GSE1: variants seen among roughly 807,000 people sequenced by gnomAD.
GSE1 encodes genetic suppressor element 1.
GSE1 carries 32 observed loss-of-function variants against 112.6 expected under a neutral mutation model. The ratio of observed to expected loss-of-function variants is 0.28; its 90% CI spans 0.21 to 0.38. The LOEUF is 0.38. GSE1 is among the 10% of genes least tolerant of loss of function. The pLI is 1.00. For missense variants in GSE1, 2,348 were observed against 1,699.2 expected (o/e 1.38, Z -6.71); for synonymous variants, 1,115 against 735.6 (o/e 1.52, Z -8.35).
At chr16:85,521,581 A>C (rs1006313434) in intron 2 of GSE1, among the ~76,000 whole-genome samples, 1 of 152,228 alleles carries the variant, frequency 6.6e-6, no homozygotes, top group African/African-American at 2.4e-5. Flanking sequence ...TCTTCTTTAC[A>C]GTGGTGTCCC....
Position 85,662,976 on chromosome 16 carries a change from A to T in GSE1, c.2261-5A>T. The T allele has an allele frequency of 6.3e-7, 1 of 1,576,402 alleles. No individual in the cohort carries two copies. The highest frequency in any genetic ancestry group is 8.7e-7 in the Non-Finnish European group (1 of 1,146,934). ...TCTGGCTGAATACAACCATTTCTCC[A>T]TCAGGGTACTACTACGACCTCGATG... On this transcript the variant is annotated splice_region_variant and splice_polypyrimidine_tract_variant and intron_variant, in intron 9 of 15. Coordinates refer to ENST00000253458, the MANE Select transcript of GSE1 (RefSeq NM_014615.5).
intron 1 of GSE1, among the ~76,000 whole-genome samples, chr16:85,604,761 A>ATATATATATATATATATAT (rs2047613944): frequency 5.4e-4 from 3 of 5,522 alleles, no homozygotes; most frequent in African/African-American, 2.8e-3. Context: ...AAAAAAAAAA[A>ATATATATATATATATATAT]AAAAAAAAAA....
Position 85,334,178 on chromosome 16 carries a change from C to A in GSE1, c.2284-23285C>A, listed in dbSNP as rs1189993176. On this transcript the variant is annotated intron_variant, in intron 1 of 2. Transcript: ENST00000637419. Reference sequence around the variant, plus strand: ...CACATGATGCTGTGTCGGCACTCCTCTACTCTATGATCGACTTGGCTCCCT... The same window carrying A: ...CACATGATGCTGTGTCGGCACTCCTATACTCTATGATCGACTTGGCTCCCT... Among the ~76,000 whole-genome samples, 3 of 152,224 alleles carry A rather than the reference C, an allele frequency of 2.0e-5. No homozygotes were observed. The East Asian group carries it at 5.8e-4, about 29-fold the overall frequency.
chr16:85,356,193 C>T (rs189365314), intron 1 of GSE1, among the ~76,000 whole-genome samples: 4 of 152,334 alleles, frequency 2.6e-5, no homozygotes, highest in Admixed American at 6.5e-5. Flanking sequence ...GGGCAGTTGG[C>T]GTCGTCACCA....
intron 2 of GSE1, among the ~76,000 whole-genome samples, chr16:85,367,338 G>T (rs948668047): frequency 6.6e-6 from 1 of 152,204 alleles, no homozygotes; most frequent in Non-Finnish European, 1.5e-5. Context: ...CCGTATGTGT[G>T]CCTTTGTTCA....
rs570563770 is a variant in GSE1, at chr16:85,629,732, C to T, written c.8-4182C>T. On this transcript the variant is annotated intron_variant, in intron 1 of 15. Coordinates refer to ENST00000253458, the MANE Select transcript of GSE1 (RefSeq NM_014615.5). ...GGGGGATGCTGATGGTCTCTGGCAT[C>T]GAAGGGACATGTTTTGGAGACTCTG... is the stretch of plus-strand genomic sequence containing the variant. Among the ~76,000 whole-genome samples the T allele has an allele frequency of 7.6e-4, 115 of 152,234 alleles. 1 individual carries two copies. Among genetic ancestry groups the T allele is most frequent in the East Asian group, 1.9e-4 (1 of 5,184 alleles).
intron 2 of GSE1, among the ~76,000 whole-genome samples, chr16:85,511,478 A>T (rs893169914): frequency 6.6e-6 from 1 of 150,408 alleles, no homozygotes; most frequent in Non-Finnish European, 1.5e-5. Flanking sequence ...CAGTGAGTCG[A>T]GATTGTGCCA....
intron 2 of GSE1, among the ~76,000 whole-genome samples, chr16:85,416,383 G>T (rs2048702489): frequency 6.6e-6 from 1 of 152,152 alleles, no homozygotes; most frequent in Admixed American, 6.5e-5. Flanking sequence ...TCCGTTCAGA[G>T]CCCCCAAGTG....
chr16:85,549,077 G>A (rs1022120373), intron 2 of GSE1, among the ~76,000 whole-genome samples: 8 of 152,084 alleles, frequency 5.3e-5, no homozygotes, highest in African/African-American at 1.2e-4. Flanking sequence ...GTGAGCCACC[G>A]CGCCCGGCCT....
At chr16:85,434,478 G>T (rs894169135) in intron 2 of GSE1, among the ~76,000 whole-genome samples, 3 of 152,302 alleles carry the variant, frequency 2.0e-5, no homozygotes, top group African/African-American at 7.2e-5. Context: ...TGAGGAAATT[G>T]AGGCACAAAG....
chr16:85,191,843 A>G (rs1196356654), intron 1 of GSE1, among the ~76,000 whole-genome samples: 1 of 151,902 alleles, frequency 6.6e-6, no homozygotes, highest in Non-Finnish European at 1.5e-5. Flanking sequence ...TTTCCCTGAC[A>G]CCATGACGGA....
intron 2 of GSE1, among the ~76,000 whole-genome samples, chr16:85,498,590 AAC>A (rs1442774438): frequency 6.6e-6 from 1 of 152,164 alleles, no homozygotes; most frequent in Non-Finnish European, 1.5e-5. Flanking sequence ...CATATATATA[AAC>A]ACATGTGTAT....
chr16:85,653,986 C>T (rs1300353492), intron 3 of GSE1, among the ~76,000 whole-genome samples: 1 of 152,130 alleles, frequency 6.6e-6, no homozygotes, highest in Admixed American at 6.5e-5. Context: ...CACCTGCACA[C>T]ATTGTGTTTC....
intron 1 of GSE1, among the ~76,000 whole-genome samples, chr16:85,298,503 C>T (rs1241935393): frequency 1.3e-5 from 2 of 152,228 alleles, no homozygotes; most frequent in Non-Finnish European, 2.9e-5. Context: ...TCTCCGCTCA[C>T]TGCAGCCTCC....
chr16:85,197,785 C>A (rs1265529543), intron 1 of GSE1, among the ~76,000 whole-genome samples: 1 of 152,196 alleles, frequency 6.6e-6, no homozygotes, highest in East Asian at 1.9e-4. Flanking sequence ...GGGGCAGTCC[C>A]CTCCTGCACG....
In GSE1 at chr16:85,426,526, G is replaced by GTGGGTGGATGGGTGGATGGA. The variant is rs59499366; in HGVS notation, c.2464+68894_2464+68895insGTGGATGGATGGGTGGATGG. ...GATGGATGGAAGAGTGGGTGGAAGG[G>GTGGGTGGATGGGTGGATGGA]TGGGTGGATGGATGGATGATTGAAT... On this transcript the variant is annotated intron_variant, in intron 2 of 2. Coordinates refer to the GSE1 transcript ENST00000637419. Among the ~76,000 whole-genome samples, 7 of 133,874 alleles carry GTGGGTGGATGGGTGGATGGA rather than the reference G, an allele frequency of 5.2e-5. No homozygotes were observed. The South Asian group carries it at 1.2e-3, about 23-fold the overall frequency. The allele number at this position is 133,874 out of a possible 152,430, so 87.8% of individuals were successfully genotyped here.
intron 2 of GSE1, among the ~76,000 whole-genome samples, chr16:85,403,193 A>G (rs1280783334): frequency 6.6e-6 from 1 of 152,106 alleles, no homozygotes; most frequent in Non-Finnish European, 1.5e-5. Flanking sequence ...ATCCTGTGCT[A>G]TCAGGCAAGC....
intron 1 of GSE1, among the ~76,000 whole-genome samples, chr16:85,184,961 A>C (rs9932774): frequency 0.23 from 34,506 of 152,144 alleles, 4,105 homozygotes; most frequent in Middle Eastern, 0.3. Flanking sequence ...AGCAGTGTTC[A>C]AATTGTCTAG....
chr16:85,635,820 A>G (rs1164025131), intron 2 of GSE1, among the ~76,000 whole-genome samples: 1 of 152,200 alleles, frequency 6.6e-6, no homozygotes, highest in African/African-American at 2.4e-5. Context: ...GTAACGCTGC[A>G]GAGGACGTGG....
Sources: gnomAD v4.1 joint callset for allele counts (sites outside exome capture counted in the v4.1 genomes callset) on GRCh38, gnomAD v4.1.1 for gene constraint, MANE v1.5 for transcripts, NCBI Gene and HGNC (gene_info 2026-07-23, HGNC 2026-07-21) for gene names.